Variants in MYO5B observed in about 807,000 individuals in gnomAD.
The protein encoded by MYO5B is myosin VB, also known as unconventional myosin-Vb.
A neutral mutation model predicts 229.3 loss-of-function variants in MYO5B; 143 were observed. The observed-to-expected ratio is 0.62, with a 90% CI of 0.54 to 0.72. The LOEUF (loss-of-function observed/expected upper bound fraction) is 0.72, where lower values mean the gene tolerates loss of function less well. MYO5B is among the 30% of genes least tolerant of loss of function. The pLI, the probability that MYO5B is intolerant of heterozygous loss-of-function variation, is 0.00. For missense variants in MYO5B, 2,321 were observed against 2,331.0 expected (o/e 1.00, Z 0.09); for synonymous variants, 918 against 885.2 (o/e 1.04, Z -0.66).
chr18:50,079,860 C>T lies in MYO5B; in HGVS notation c.28-24482G>A, dbSNP rs143603521. 4.2e-3 allele frequency among the ~76,000 whole-genome samples: 644 copies of T among 152,302 alleles called. 4 individuals carry two copies. The highest frequency in any genetic ancestry group is 0.015 in the African/African-American group (606 of 41,564). The stretch of plus-strand genomic sequence containing the variant: ...TGCCTGCCCTCCTTAATTCTGCCAG[C>T]GTAGTCTATCCTAGGGCAGAGGGGT... On this transcript the variant is annotated intron_variant, in intron 1 of 39. Coordinates refer to ENST00000285039, the MANE Select transcript of MYO5B (RefSeq NM_001080467.3).
chr18:50,103,906 A>G (rs1161937652), intron 1 of MYO5B, among the ~76,000 whole-genome samples: 16 of 152,006 alleles, frequency 1.1e-4, no homozygotes, highest in African/African-American at 3.6e-4. Context: ...ATCTGGGAAC[A>G]CAGTTTACAA....
chr18:50,071,228 C>T (rs1420024327), intron 1 of MYO5B, among the ~76,000 whole-genome samples: 1 of 152,226 alleles, frequency 6.6e-6, no homozygotes, highest in Non-Finnish European at 1.5e-5. Flanking sequence ...GTTATTCACC[C>T]TTTAAGGACC....
At chr18:50,147,134 T>C (rs888984110) in intron 1 of MYO5B, among the ~76,000 whole-genome samples, 2 of 152,132 alleles carry the variant, frequency 1.3e-5, no homozygotes, top group African/African-American at 4.8e-5. Context: ...TCTAGAACAG[T>C]ATGTCCAAAA....
intron 9 of MYO5B, among the ~76,000 whole-genome samples, chr18:49,975,489 G>C (rs923395248): frequency 6.6e-6 from 1 of 152,092 alleles, no homozygotes; most frequent in African/African-American, 2.4e-5. Context: ...AAGCAGGCTC[G>C]CTTTCTTCTT....
At chr18:50,001,655 T>C (rs1374215663) in intron 4 of MYO5B, among the ~76,000 whole-genome samples, 2 of 152,156 alleles carry the variant, frequency 1.3e-5, no homozygotes, top group Non-Finnish European at 2.9e-5. Context: ...GCGAGAGTGG[T>C]GCAGACAACT....
chr18:50,129,939 C>CT (rs1232043326), intron 1 of MYO5B, among the ~76,000 whole-genome samples: 9 of 152,164 alleles, frequency 5.9e-5, no homozygotes, highest in African/African-American at 1.9e-4. Context: ...ACTAAACCAA[C>CT]TTTTTTTCCC....
chr18:49,917,153 T>C (rs2025025748), intron 17 of MYO5B, among the ~76,000 whole-genome samples: 1 of 152,218 alleles, frequency 6.6e-6, no homozygotes, highest in South Asian at 2.1e-4. Context: ...TGTGGATATG[T>C]TCATGCAGGG....
Position 49,864,351 on chromosome 18 carries a change from C to T in MYO5B, c.3633G>A (p.Lys1211=). Residue 1211 remains lysine, a synonymous_variant, in exon 28 of 40, where the codon AAG becomes AAA. Coordinates refer to ENST00000285039, the MANE Select transcript of MYO5B (RefSeq NM_001080467.3). ...KRQELESENK[K]LKNDLNELRK... ...TCAGCTCATTCAGGTCATTCTTCAG[C>T]TTTTTGTTCTCTGACTCCAGCTCTT... The T allele has an allele frequency of 1.2e-6, 2 of 1,613,944 alleles. No homozygotes were observed. Among genetic ancestry groups the T allele is most frequent in the Non-Finnish European group, 1.7e-6 (2 of 1,180,056 alleles).
chr18:49,916,121 T>C (rs894513234), intron 17 of MYO5B, among the ~76,000 whole-genome samples: 4 of 152,266 alleles, frequency 2.6e-5, no homozygotes, highest in Admixed American at 1.3e-4. Flanking sequence ...CCATGGTTAT[T>C]TGCATACACA....
At chr18:49,908,979 G>T (rs371646795) in intron 18 of MYO5B, among the ~76,000 whole-genome samples, 1 of 152,184 alleles carries the variant, frequency 6.6e-6, no homozygotes, top group Non-Finnish European at 1.5e-5. Context: ...ACAGCCTAAC[G>T]AAGCAGCCCC....
chr18:50,189,111 C>T (rs1015180352), intron 1 of MYO5B, among the ~76,000 whole-genome samples: 1 of 152,170 alleles, frequency 6.6e-6, no homozygotes, highest in Admixed American at 6.5e-5. Context: ...TGCTTCTTTT[C>T]AGCCTTTCCT....
chr18:50,108,004 GT>G (rs35171705), intron 1 of MYO5B, among the ~76,000 whole-genome samples: 18,978 of 152,094 alleles, frequency 0.12, 1,250 homozygotes, highest in East Asian at 0.23. Flanking sequence ...CGCCTCCCAG[GT>G]TCAAGCAATT....
intron 1 of MYO5B, among the ~76,000 whole-genome samples, chr18:50,155,462 G>T (rs963611141): frequency 4.6e-5 from 7 of 152,136 alleles, no homozygotes; most frequent in African/African-American, 1.4e-4. Flanking sequence ...TTCACCCTCA[G>T]TATTTTGAGA....
At chr18:49,955,810 T>C (rs1011986492) in intron 12 of MYO5B, among the ~76,000 whole-genome samples, 1 of 152,312 alleles carries the variant, frequency 6.6e-6, no homozygotes, top group South Asian at 2.1e-4. Context: ...CATTCTGTGT[T>C]TAGAACCACC....
chr18:50,068,970 T>C (rs2030888035), intron 1 of MYO5B, among the ~76,000 whole-genome samples: 1 of 152,158 alleles, frequency 6.6e-6, no homozygotes, highest in Non-Finnish European at 1.5e-5. Context: ...CAGATAGGCC[T>C]CTCTCTAATC....
At chr18:50,107,684 T>C (rs1420353941) in intron 1 of MYO5B, among the ~76,000 whole-genome samples, 1 of 152,146 alleles carries the variant, frequency 6.6e-6, no homozygotes, top group Non-Finnish European at 1.5e-5. Context: ...TACACATCTG[T>C]GGAGCAACAG....
intron 1 of MYO5B, among the ~76,000 whole-genome samples, chr18:50,079,856 C>T (rs923061314): frequency 6.6e-6 from 1 of 152,188 alleles, no homozygotes; most frequent in African/African-American, 2.4e-5. Context: ...CTTAATTCTG[C>T]CAGCGTAGTC....
chr18:49,936,466 G>A, intron 15 of MYO5B, 117 bp from the exon 16 acceptor site: 1 of 822,146 alleles, frequency 1.2e-6, no homozygotes, highest in Non-Finnish European at 2.0e-6. Context: ...TAATCCAGAA[G>A]GATGGAAGAA....
intron 1 of MYO5B, among the ~76,000 whole-genome samples, chr18:50,120,854 TGGTA>T (rs1275482481): frequency 6.6e-6 from 1 of 152,190 alleles, no homozygotes; most frequent in African/African-American, 2.4e-5. Flanking sequence ...CCTGGTCAGC[TGGTA>T]GATGGTGAAA....
Sources: allele counts gnomAD v4.1 joint callset (sites outside exome capture counted in the v4.1 genomes callset), GRCh38; gene constraint gnomAD v4.1.1; transcripts MANE v1.5; gene names NCBI Gene and HGNC (gene_info 2026-07-23, HGNC 2026-07-21).